The following MTRR variants were observed in gnomAD, a reference collection of about 807,000 sequenced individuals.
The protein encoded by MTRR is 5-methyltetrahydrofolate-homocysteine methyltransferase reductase.
MTRR carries 63 observed loss-of-function variants against 79.2 expected under a neutral mutation model. The ratio of observed to expected loss-of-function variants is 0.80; its 90% CI spans 0.65 to 0.98. The LOEUF is 0.98. Among genes scored for constraint, MTRR ranks in the 50% least tolerant of loss-of-function variants. The pLI, the probability that MTRR is intolerant of heterozygous loss-of-function variation, is 0.00. For missense variants in MTRR, 895 were observed against 839.6 expected (o/e 1.07, Z -0.82); for synonymous variants, 355 against 313.3 (o/e 1.13, Z -1.41).
At chr5:7,853,652 C>T (rs1023376435) in intron 1 of MTRR, among the ~76,000 whole-genome samples, 2 of 152,196 alleles carry the variant, frequency 1.3e-5, no homozygotes, top group African/African-American at 4.8e-5. Flanking sequence ...ATGAACCTTT[C>T]TGAGGGGCCT....
chr5:7,853,808 T>TGGAG (rs1400658963), intron 1 of MTRR, among the ~76,000 whole-genome samples: 4 of 152,204 alleles, frequency 2.6e-5, no homozygotes, highest in African/African-American at 9.6e-5. Context: ...CAGTCTCCCC[T>TGGAG]GGAGTGTCTT....
rs760645361 is a variant in MTRR, at chr5:7,878,318, G to A, written c.776G>A (p.Gly259Asp). 1.9e-6 allele frequency: 3 copies of A among 1,614,156 alleles called. No individual in the cohort carries two copies. The highest frequency in any genetic ancestry group is 1.3e-5 in the African/African-American group (1 of 75,018). The change falls in exon 5 of 15, where the codon GGC (glycine) becomes GAC (aspartate). Residue 259 changes from glycine to aspartate, a missense_variant. By Grantham distance (94) the Gly-to-Asp change is moderately conservative. Coordinates refer to ENST00000440940, the MANE Select transcript of MTRR (RefSeq NM_002454.3). Reference sequence around the variant, plus strand: ...CAGGTACATCTGCAGGAGTCTCTTGGCCAGGTAAGGAAGTTTTTCTTTATG... The same window carrying A: ...CAGGTACATCTGCAGGAGTCTCTTGACCAGGTAAGGAAGTTTTTCTTTATG... ...YLQVHLQESL[G>D]QEESQVSVTS...
At chr5:7,899,351 G>A (rs1181510662) in intron 14 of MTRR, among the ~76,000 whole-genome samples, 1 of 152,200 alleles carries the variant, frequency 6.6e-6, no homozygotes, top group Non-Finnish European at 1.5e-5. Context: ...TCTAACGTCG[G>A]AAGTGTTCCA....
chr5:7,870,113 A>T (rs1747665996), intron 1 of MTRR: 2 of 979,698 alleles, frequency 2.0e-6, no homozygotes, highest in Middle Eastern at 2.8e-4. Context: ...TGTTAGTAAA[A>T]TGTTTAAGTG....
intron 8 of MTRR, among the ~76,000 whole-genome samples, chr5:7,887,931 T>A (rs977616464): frequency 6.6e-6 from 1 of 150,766 alleles, no homozygotes; most frequent in Non-Finnish European, 1.5e-5. Context: ...GAGTTAACAC[T>A]TGAATTTTGT....
chr5:7,893,841 G>A (rs868781520), intron 11 of MTRR, among the ~76,000 whole-genome samples: 3 of 152,100 alleles, frequency 2.0e-5, no homozygotes, highest in South Asian at 4.1e-4. Flanking sequence ...TTAACTTGAT[G>A]TTTTTCCAGT....
chr5:7,868,068 A>G (rs1036126568), upstream of MTRR: 1 of 1,607,362 alleles, frequency 6.2e-7, no homozygotes, highest in African/African-American at 1.3e-5. Context: ...TTCTTCCTCA[A>G]GGTGATTAAT....
chr5:7,885,558 G>A (rs141235195), intron 6 of MTRR, 143 bp from the exon 7 acceptor site: 5 of 831,210 alleles, frequency 6.0e-6, no homozygotes, highest in African/African-American at 1.7e-5. Flanking sequence ...TAAAACAATT[G>A]TGTGTTTTTT....
intron 11 of MTRR, among the ~76,000 whole-genome samples, chr5:7,895,258 T>A (rs1232383797): frequency 6.6e-6 from 1 of 152,250 alleles, no homozygotes; most frequent in Non-Finnish European, 1.5e-5. Context: ...GGACCCAGAA[T>A]AGCAAATACA....
At chr5:7,854,618 A>C (rs1333700014) in intron 1 of MTRR, among the ~76,000 whole-genome samples, 2 of 152,194 alleles carry the variant, frequency 1.3e-5, no homozygotes, top group Non-Finnish European at 2.9e-5. Context: ...AAACTATCAG[A>C]TCTCATGAGA....
At position 7,873,527 on chromosome 5, in the gene MTRR, G is replaced by A. The variant is rs1748372023; in HGVS notation, c.283+1G>A. On this transcript the variant is annotated splice_donor_variant, in intron 3 of 14. Transcript: ENST00000440940. LOFTEE classifies it high-confidence loss of function. ...GCTCACCTGCGGTATGGGTTACTGG[G>A]TAATGGACTCTCTCTTCTGATCTTA... The A allele has an allele frequency of 6.2e-7, 1 of 1,614,078 alleles. No individual in the cohort carries two copies. The highest frequency in any genetic ancestry group is 8.5e-7 in the Non-Finnish European group (1 of 1,179,984).
At chr5:7,874,099 G>C (rs1748460941) in intron 3 of MTRR, among the ~76,000 whole-genome samples, 1 of 152,136 alleles carries the variant, frequency 6.6e-6, no homozygotes, top group South Asian at 2.1e-4. Context: ...TCTAACATAT[G>C]TATCCCAGGT....
At chr5:7,892,586 A>T in intron 10 of MTRR, 141 bp from the exon 11 acceptor site, 1 of 909,624 alleles carries the variant, frequency 1.1e-6, no homozygotes, top group Non-Finnish European at 1.8e-6. Flanking sequence ...ATTACGTAAT[A>T]ATGGCTTTCC....
chr5:7,857,384 T>G (rs924440409), intron 1 of MTRR, among the ~76,000 whole-genome samples: 1 of 152,204 alleles, frequency 6.6e-6, no homozygotes, highest in Non-Finnish European at 1.5e-5. Flanking sequence ...TGCTCGTTAG[T>G]GACACCAGCA....
upstream of MTRR, among the ~76,000 whole-genome samples, chr5:7,865,507 T>G (rs1182496411): frequency 1.6e-4 from 25 of 152,164 alleles, 1 homozygote; most frequent in Non-Finnish European, 1.5e-5. Context: ...TGGCTTGGCT[T>G]AAAAATATAC....
rs369129577 is a variant in MTRR, at chr5:7,854,736, G to A, written n.391+3151G>A. The stretch of plus-strand genomic sequence containing the variant: ...GAATTATGGAGATTTGGGTCGGGAC[G>A]TAGAGCCAAACCATATCAGTCCTAC... On this transcript the variant is annotated intron_variant and non_coding_transcript_variant, in intron 1 of 3. Coordinates refer to the MTRR transcript ENST00000502509. Among the ~76,000 whole-genome samples, 27 of 152,296 alleles carry A rather than the reference G, an allele frequency of 1.8e-4. No homozygotes were observed. In the East Asian group the frequency reaches 3.3e-3, roughly 19 times the overall value.
At chr5:7,887,659 C>T (rs1007316613) in intron 8 of MTRR, among the ~76,000 whole-genome samples, 22 of 146,502 alleles carry the variant, frequency 1.5e-4, no homozygotes, top group African/African-American at 5.3e-4. Flanking sequence ...GAAAGCTTAC[C>T]GATTAAGTCA....
rs370237742 is a variant in MTRR at position 7,869,159 on chromosome 5, G to T, written c.-82G>T. 8.7e-6 allele frequency: 14 copies of T among 1,612,840 alleles called. No homozygotes were observed. The African/African-American group carries it at 1.7e-4, about 20-fold the overall frequency. Reference sequence around the variant, plus strand: ...ATGGGCGCTGCGTCAGTGCGCGCTGGCGCAAGGTTGGTGGAAGTCGCGTTG... The same window carrying T: ...ATGGGCGCTGCGTCAGTGCGCGCTGTCGCAAGGTTGGTGGAAGTCGCGTTG... On this transcript the variant is annotated 5_prime_UTR_variant, in exon 1 of 15. Transcript: ENST00000440940.
chr5:7,856,095 C>T (rs1561082800), intron 1 of MTRR, among the ~76,000 whole-genome samples: 1 of 152,012 alleles, frequency 6.6e-6, no homozygotes. Flanking sequence ...GTTAGTGTGC[C>T]AAAGAGTTAA....
Sources: gnomAD v4.1 joint callset for allele counts (sites outside exome capture counted in the v4.1 genomes callset) on GRCh38, gnomAD v4.1.1 for gene constraint, MANE v1.5 for transcripts, NCBI Gene and HGNC (gene_info 2026-07-23, HGNC 2026-07-21) for gene names.